Variants in SRSF10 observed in about 807,000 individuals in gnomAD.
SRSF10 encodes serine/arginine-rich splicing factor 10.
Under a neutral mutation model 32.6 loss-of-function variants are expected in SRSF10, and 9 were observed. That is an observed-to-expected ratio of 0.28 (90% CI 0.17 to 0.48). The LOEUF is 0.48. Ranked by LOEUF, SRSF10 falls within the 20% of genes least tolerant of loss-of-function variation. The pLI is 0.99. For synonymous variants in SRSF10, 105 were observed against 112.4 expected (o/e 0.93, Z 0.42); for missense variants, 201 against 331.8 (o/e 0.61, Z 3.06).
chr1:23,971,091 A>G lies in SRSF10; in HGVS notation c.*51T>C. 6.5e-7 allele frequency: 1 copy of G among 1,532,564 alleles called. No homozygotes were observed. The highest frequency in any genetic ancestry group is 8.7e-7 in the Non-Finnish European group (1 of 1,144,906). 94.9% of individuals were successfully genotyped at this position (1,532,564 alleles called of 1,614,324 possible). On this transcript the variant is annotated 3_prime_UTR_variant, in exon 6 of 6. Coordinates refer to ENST00000492112, the MANE Select transcript of SRSF10 (RefSeq NM_054016.4). ...ATTCCTGATAATTTAAGTAAACCAA[A>G]CTATGAGTAAATGAATGATACATGC...
chr1:23,969,175 A>T lies in SRSF10; in HGVS notation c.*1967T>A. On this transcript the variant is annotated 3_prime_UTR_variant, in exon 6 of 6. Transcript: ENST00000492112. Reference sequence around the variant, plus strand: ...GTTTTGATCCAAACATTGATGTTTTAAAGGTTGTACACAATATTTGTTAAA... The same window carrying T: ...GTTTTGATCCAAACATTGATGTTTTTAAGGTTGTACACAATATTTGTTAAA... 1.0e-6 allele frequency: 1 copy of T among 985,232 alleles called. No homozygotes were observed. The highest frequency in any genetic ancestry group is 1.2e-6 in the Non-Finnish European group (1 of 829,338). 61.0% of individuals were successfully genotyped at this position (985,232 alleles called of 1,614,324 possible). A position where few individuals can be genotyped will look rare whatever the true frequency, so the allele number is the denominator to read the frequency against.
chr1:23,968,450 GTCTTT>G lies in SRSF10; in HGVS notation c.*2687_*2691del, dbSNP rs1641566374. ...GCTTAAATCCTGGCTCTGCCTTACA[GTCTTT>G]TCTTTGTGCCTCAGTTTCCTTATCT... On this transcript the variant is annotated 3_prime_UTR_variant, in exon 6 of 6. Transcript: ENST00000492112. Among the ~76,000 whole-genome samples, 1 of 152,112 alleles carries G rather than the reference GTCTTT, an allele frequency of 6.6e-6. No individual in the cohort carries two copies. The highest frequency in any genetic ancestry group is 2.1e-4 in the South Asian group (1 of 4,830).
chr1:23,970,024 C>A lies in SRSF10; in HGVS notation c.*1118G>T, dbSNP rs1441168960. On this transcript the variant is annotated 3_prime_UTR_variant, in exon 6 of 6. Coordinates refer to ENST00000492112, the MANE Select transcript of SRSF10 (RefSeq NM_054016.4). The stretch of plus-strand genomic sequence containing the variant: ...TTCTTTTACACTAGGCACACACACA[C>A]AAAACCTACTTTGAAACAATTTACT... 1.7e-5 allele frequency: 17 copies of A among 985,294 alleles called. No homozygotes were observed. The highest frequency in any genetic ancestry group is 2.0e-5 in the Non-Finnish European group (17 of 829,920). 61.0% of individuals were successfully genotyped at this position (985,294 alleles called of 1,614,324 possible). A position where few individuals can be genotyped will look rare whatever the true frequency, so the allele number is the denominator to read the frequency against.
In SRSF10 at chr1:23,964,461, GGCT is replaced by G. The variant is rs1641360148; in HGVS notation, c.*6678_*6680del. Reference sequence around the variant, plus strand: ...CTGGTACAGAGAACTTACCATGTAAGGCTGCTGAAGTCAGCCATACTGTGAACC... The same window carrying G: ...CTGGTACAGAGAACTTACCATGTAAGGCTGAAGTCAGCCATACTGTGAACC... On this transcript the variant is annotated 3_prime_UTR_variant, in exon 6 of 6. Transcript: ENST00000492112. 6.6e-6 allele frequency among the ~76,000 whole-genome samples: 1 copy of G among 151,964 alleles called. No homozygotes were observed. Among genetic ancestry groups the G allele is most frequent in the Non-Finnish European group, 1.5e-5 (1 of 67,878 alleles).
Position 23,970,121 on chromosome 1 carries a change from TAAG to T in SRSF10, c.*1018_*1020del, listed in dbSNP as rs1641655931. 9.1e-6 allele frequency: 9 copies of T among 985,268 alleles called. No homozygotes were observed. Among genetic ancestry groups the T allele is most frequent in the African/African-American group, 1.7e-5 (1 of 57,236 alleles). 61.0% of individuals were successfully genotyped at this position (985,268 alleles called of 1,614,324 possible). On this transcript the variant is annotated 3_prime_UTR_variant, in exon 6 of 6. Coordinates refer to ENST00000492112, the MANE Select transcript of SRSF10 (RefSeq NM_054016.4). ...CTCCTTAAACTTTAGAATAACTACA[TAAG>T]AATATTCCTTTTTCCTTAAAATTAT...
At position 23,967,916 on chromosome 1, in the gene SRSF10, C is replaced by G. The variant is rs751030564; in HGVS notation, c.*3226G>C. 1 of 1,547,270 alleles carries G rather than the reference C, an allele frequency of 6.5e-7. No homozygotes were observed. On this transcript the variant is annotated 3_prime_UTR_variant, in exon 6 of 6. Transcript: ENST00000492112. The stretch of plus-strand genomic sequence containing the variant: ...ACTCTATGTAGCACCTTTCCTCTCT[C>G]ACTGAAGCATTATCTCTCATTTTTC...
chr1:23,973,469 A>T (rs1641894634), intron 3 of SRSF10, among the ~76,000 whole-genome samples: 1 of 152,154 alleles, frequency 6.6e-6, no homozygotes, highest in Non-Finnish European at 1.5e-5. Context: ...GGTGTGCACT[A>T]TCAAGCCTGG....
intron 1 of SRSF10, chr1:23,979,018 C>A: frequency 1.3e-4 from 23 of 181,994 alleles, no homozygotes; most frequent in East Asian, 5.5e-4. Flanking sequence ...CGTCATTTTT[C>A]ATAAAAGGTA....
chr1:23,977,871 T>TAA (rs34976283), intron 2 of SRSF10: 96,773 of 802,398 alleles, frequency 0.12, 184 homozygotes, highest in Middle Eastern at 0.15. Context: ...TACAAAACAT[T>TAA]AAAAAAAAAA....
At chr1:23,979,285 AAAGAATTATTTAT>A (rs1642298554) in intron 1 of SRSF10, among the ~76,000 whole-genome samples, 1 of 55,068 alleles carries the variant, frequency 1.8e-5, no homozygotes, top group Admixed American at 1.8e-4. Context: ...GAAATTATGG[AAAGAATTATTTAT>A]GGAAAGAATT....
intron 2 of SRSF10, chr1:23,976,802 G>A (rs1642120676): frequency 6.6e-6 from 1 of 152,214 alleles, no homozygotes; most frequent in Admixed American, 6.5e-5. Context: ...CAGTCATGGA[G>A]AAATTTGTAC....
chr1:23,979,867 T>TGG (rs34883168), intron 1 of SRSF10, among the ~76,000 whole-genome samples: 2 of 141,300 alleles, frequency 1.4e-5, no homozygotes, highest in South Asian at 2.2e-4. Flanking sequence ...TTCAAATCAA[T>TGG]GGGGGGCGGC....
rs904961052 is a variant in SRSF10, at chr1:23,975,086, T to C, written c.171-9A>G. 1.4e-5 allele frequency: 23 copies of C among 1,612,642 alleles called. No individual in the cohort carries two copies. The African/African-American group carries it at 2.5e-4, about 18-fold the overall frequency. ...CACGAACATCCTCAAATGTGCTAAA[T>C]GTTAAGGGGCTTGGGAAGTTTTGCA... On this transcript the variant is annotated splice_polypyrimidine_tract_variant and intron_variant, in intron 2 of 5. Transcript: ENST00000492112.
intron 2 of SRSF10, 178 bp from the exon 3 acceptor site, chr1:23,975,255 G>C: frequency 1.8e-6 from 1 of 569,184 alleles, no homozygotes; most frequent in Non-Finnish European, 3.2e-6. Context: ...CACTATAAAA[G>C]CACTTGTGAT....
intron 1 of SRSF10, 55 bp from the exon 2 acceptor site, chr1:23,978,872 A>T: frequency 1.4e-6 from 2 of 1,451,050 alleles, no homozygotes; most frequent in Non-Finnish European, 1.9e-6. Context: ...TAAGATGTAT[A>T]GGCAATATAT....
At chr1:23,979,288 G>A (rs1383062013) in intron 1 of SRSF10, among the ~76,000 whole-genome samples, 2 of 54,966 alleles carry the variant, frequency 3.6e-5, no homozygotes, top group African/African-American at 7.9e-5. Context: ...ATTATGGAAA[G>A]AATTATTTAT....
chr1:23,974,565 G>A (rs1455826353), intron 3 of SRSF10, among the ~76,000 whole-genome samples: 1 of 152,202 alleles, frequency 6.6e-6, no homozygotes, highest in Non-Finnish European at 1.5e-5. Context: ...GCTCACGCCT[G>A]TAATCCCAAT....
rs1337803130 is a variant in SRSF10, at chr1:23,970,417, G to A, written c.*725C>T. On this transcript the variant is annotated 3_prime_UTR_variant, in exon 6 of 6. Coordinates refer to ENST00000492112, the MANE Select transcript of SRSF10 (RefSeq NM_054016.4). ...ACTCTGTTGCCCAGGCTGGAGTGCAGTGGCGTGATTTTGGCTCACTGCAAC... is the reference window on the plus strand; with the variant it reads ...ACTCTGTTGCCCAGGCTGGAGTGCAATGGCGTGATTTTGGCTCACTGCAAC... 7 of 926,808 alleles carry A rather than the reference G, an allele frequency of 7.6e-6. No individual in the cohort carries two copies. The South Asian group carries it at 2.5e-4, about 33-fold the overall frequency. 57.4% of individuals were successfully genotyped at this position (926,808 alleles called of 1,614,324 possible).
chr1:23,975,325 A>T (rs1057030325), intron 2 of SRSF10: 28 of 423,906 alleles, frequency 6.6e-5, no homozygotes, highest in Non-Finnish European at 8.4e-6. Context: ...TATTATTGAA[A>T]TAAGATCTGT....
Sources: gnomAD v4.1 joint callset for allele counts (sites outside exome capture counted in the v4.1 genomes callset) on GRCh38, gnomAD v4.1.1 for gene constraint, MANE v1.5 for transcripts, NCBI Gene and HGNC (gene_info 2026-07-23, HGNC 2026-07-21) for gene names.